The following COL5A2 variants were observed in gnomAD, a reference collection of about 807,000 sequenced individuals.
The protein encoded by COL5A2 is collagen type V alpha 2 chain.
In COL5A2, 23 loss-of-function variants were observed where a neutral mutation model predicts 208.2. That is an observed-to-expected ratio of 0.11 (90% CI 0.08 to 0.16). COL5A2 has a LOEUF of 0.16. COL5A2 is among the 10% of genes least tolerant of loss of function. The pLI, the probability that COL5A2 is intolerant of heterozygous loss-of-function variation, is 1.00. For synonymous variants in COL5A2, 625 were observed against 628.5 expected (o/e 0.99, Z 0.08); for missense variants, 1,590 against 1,956.4 (o/e 0.81, Z 3.53).
chr2:189,320,924 G>A, the COL5A2 span, among the ~76,000 whole-genome samples: 3 of 152,160 alleles, frequency 2.0e-5, no homozygotes, highest in Admixed American at 6.5e-5. Context: ...GAGAAAGGTC[G>A]GGTTACCCAC....
At chr2:189,326,096 C>CAAAAA in the COL5A2 span, among the ~76,000 whole-genome samples, 19 of 96,806 alleles carry the variant, frequency 2.0e-4, no homozygotes, top group African/African-American at 2.6e-4. Context: ...GACCCTGTCT[C>CAAAAA]AAAAAAAAAA....
At chr2:189,324,904 C>G in the COL5A2 span, among the ~76,000 whole-genome samples, 2 of 152,144 alleles carry the variant, frequency 1.3e-5, no homozygotes, top group Non-Finnish European at 2.9e-5. Context: ...ATAGCAAAGA[C>G]TTGGAACCAA....
chr2:189,244,383 T>C, the COL5A2 span, among the ~76,000 whole-genome samples: 1 of 152,136 alleles, frequency 6.6e-6, no homozygotes, highest in African/African-American at 2.4e-5. Flanking sequence ...CTAAATCATC[T>C]CTCTCAAGTT....
chr2:189,383,281 G>C, the COL5A2 span, among the ~76,000 whole-genome samples: 1 of 152,138 alleles, frequency 6.6e-6, no homozygotes, highest in Non-Finnish European at 1.5e-5. Context: ...TGGCTTGCAG[G>C]ATAGCCACCT....
the COL5A2 span, among the ~76,000 whole-genome samples, chr2:189,272,677 TCAATTTCCAACTATTTAGAAA>T: frequency 6.6e-6 from 1 of 151,976 alleles, no homozygotes; most frequent in East Asian, 1.9e-4. Flanking sequence ...AAAAAAAATC[TCAATTTCCAACTATTTAGAAA>T]CAATTTCCAA....
the COL5A2 span, among the ~76,000 whole-genome samples, chr2:189,246,771 C>A: frequency 6.6e-6 from 1 of 152,128 alleles, no homozygotes; most frequent in Non-Finnish European, 1.5e-5. Flanking sequence ...ATGGGGAATA[C>A]GTTTGGCACA....
the COL5A2 span, among the ~76,000 whole-genome samples, chr2:189,275,436 TA>T: frequency 2.7e-5 from 4 of 147,836 alleles, no homozygotes; most frequent in Non-Finnish European, 5.9e-5. Context: ...TCTTTTTAAT[TA>T]CGTTAGTTTT....
the COL5A2 span, among the ~76,000 whole-genome samples, chr2:189,369,717 A>G: frequency 6.6e-6 from 1 of 152,208 alleles, no homozygotes; most frequent in East Asian, 1.9e-4. Flanking sequence ...AGAAAATTAC[A>G]TAATTCCAAA....
At chr2:189,222,698 T>C (rs1053200986) in intron 1 of COL5A2, among the ~76,000 whole-genome samples, 6 of 152,168 alleles carry the variant, frequency 3.9e-5, no homozygotes, top group Non-Finnish European at 8.8e-5. Flanking sequence ...CTCCCGGCCA[T>C]TGGACTTTGG....
rs138837670 is a variant in COL5A2 at position 189,034,937 on chromosome 2, G to C, written c.4332C>G (p.Ile1444Met). The C allele has an allele frequency of 1.7e-5, 27 of 1,613,838 alleles. No individual in the cohort carries two copies. The highest frequency in any genetic ancestry group is 2.2e-5 in the Non-Finnish European group (26 of 1,179,840). ...TTACAGAGCAAGTGTCTTGAAGAAC[G>C]ATATACCGGAATCTAATATTTCCCT... ...KAEGNIRFRY[I>M]VLQDTCSKRN... The change falls in exon 53 of 54, where the codon ATC becomes ATG. Residue 1444 changes from isoleucine (I) to methionine (M), a missense_variant. Coordinates refer to ENST00000374866, the MANE Select transcript of COL5A2 (RefSeq NM_000393.5).
At chr2:189,365,573 AG>A in the COL5A2 span, among the ~76,000 whole-genome samples, 1 of 152,196 alleles carries the variant, frequency 6.6e-6, no homozygotes, top group Admixed American at 6.5e-5. Flanking sequence ...TGTAAAATGG[AG>A]ACAATAACAC....
intron 1 of COL5A2, among the ~76,000 whole-genome samples, chr2:189,123,269 A>C (rs1687545039): frequency 6.6e-6 from 1 of 152,182 alleles, no homozygotes; most frequent in Non-Finnish European, 1.5e-5. Context: ...AGGCCTAAAA[A>C]TTTTTAAAGA....
the COL5A2 span, among the ~76,000 whole-genome samples, chr2:189,432,877 C>T: frequency 9.7e-4 from 147 of 152,326 alleles, no homozygotes; most frequent in Non-Finnish European, 1.8e-3. Flanking sequence ...AAAGAATATA[C>T]ATTATTCTCT....
the COL5A2 span, among the ~76,000 whole-genome samples, chr2:189,297,684 T>C: frequency 6.6e-6 from 1 of 152,186 alleles, no homozygotes; most frequent in African/African-American, 2.4e-5. Flanking sequence ...CCATCTTTGA[T>C]TGTAACTAAA....
At chr2:189,242,779 A>T in the COL5A2 span, among the ~76,000 whole-genome samples, 2 of 152,206 alleles carry the variant, frequency 1.3e-5, no homozygotes, top group Non-Finnish European at 2.9e-5. Flanking sequence ...TGTGAGGAAT[A>T]AACAGGGGAT....
intron 17 of COL5A2, among the ~76,000 whole-genome samples, chr2:189,074,600 T>C (rs1686355353): frequency 6.6e-6 from 1 of 152,170 alleles, no homozygotes; most frequent in South Asian, 2.1e-4. Flanking sequence ...GCATATCTAA[T>C]CACGAAATTG....
chr2:189,326,731 G>A, the COL5A2 span, among the ~76,000 whole-genome samples: 3 of 150,458 alleles, frequency 2.0e-5, no homozygotes, highest in Admixed American at 6.6e-5. Context: ...AGTGGGGGGA[G>A]TTCACCCACT....
At position 189,040,335 on chromosome 2, in the gene COL5A2, C is replaced by CTTTT. The variant is rs34847104; in HGVS notation, c.3634-776_3634-773dup. On this transcript the variant is annotated intron_variant, in intron 50 of 53. Transcript: ENST00000374866. ...TGACATAAATAAAGAGCCCTCCTGC[C>CTTTT]TTTTTTTTTTTTTTTTGCCAAATAA... Among the ~76,000 whole-genome samples the CTTTT allele has an allele frequency of 8.3e-4, 115 of 138,246 alleles. 3 individuals carry two copies. Among genetic ancestry groups the CTTTT allele is most frequent in the South Asian group, 4.2e-3 (18 of 4,316 alleles). The allele number at this position is 138,246 out of a possible 152,430, so 90.7% of individuals were successfully genotyped here.
At chr2:189,039,190 T>A (rs1685505337) in intron 51 of COL5A2, 82 bp downstream of exon 51, 1 of 1,498,700 alleles carries the variant, frequency 6.7e-7, no homozygotes. Context: ...AAGTAGAAAG[T>A]CAGTAACATA....
Sources: gnomAD v4.1 joint callset for allele counts (sites outside exome capture counted in the v4.1 genomes callset) on GRCh38, gnomAD v4.1.1 for gene constraint, MANE v1.5 for transcripts, NCBI Gene and HGNC (gene_info 2026-07-23, HGNC 2026-07-21) for gene names.